WDFY2: variants seen among roughly 807,000 people sequenced by gnomAD.
The protein encoded by WDFY2 is WD repeat and FYVE domain-containing protein 2.
WDFY2 carries 36 observed loss-of-function variants against 56.4 expected under a neutral mutation model. That is an observed-to-expected ratio of 0.64 (90% confidence interval 0.49 to 0.84). The LOEUF (loss-of-function observed/expected upper bound fraction) is 0.84, where lower values mean the gene tolerates loss of function less well. Among genes scored for constraint, WDFY2 ranks in the 40% least tolerant of loss-of-function variants. The pLI, the probability that WDFY2 is intolerant of heterozygous loss-of-function variation, is 0.00. For synonymous variants in WDFY2, 176 were observed against 183.7 expected, an observed-to-expected ratio of 0.96 and a Z score of 0.34; for missense variants, 444 against 512.2, an observed-to-expected ratio of 0.87 and a Z score of 1.29.
intron 3 of WDFY2, among the ~76,000 whole-genome samples, chr13:51,701,490 C>CA (rs1386874017): frequency 7.2e-6 from 1 of 138,484 alleles, no homozygotes; most frequent in Non-Finnish European, 1.5e-5. Context: ...CACTGCACTC[C>CA]AGCCTGGGTG....
intron 1 of WDFY2, among the ~76,000 whole-genome samples, chr13:51,658,676 G>T (rs941245437): frequency 6.6e-6 from 1 of 152,120 alleles, no homozygotes; most frequent in Non-Finnish European, 1.5e-5. Context: ...ATTGTAAAAA[G>T]AACTTGCTTA....
intron 3 of WDFY2, among the ~76,000 whole-genome samples, chr13:51,687,479 C>A (rs1447663714): frequency 6.6e-6 from 1 of 151,914 alleles, no homozygotes; most frequent in African/African-American, 2.4e-5. Context: ...ATCATCTGAG[C>A]AGAAGCCTTG....
chr13:51,712,162 C>T (rs912020768), intron 4 of WDFY2, among the ~76,000 whole-genome samples: 5 of 152,126 alleles, frequency 3.3e-5, no homozygotes, highest in Non-Finnish European at 7.4e-5. Context: ...ATGGATGAAG[C>T]TGGAAACCAT....
At chr13:51,595,641 A>G (rs540871453) in intron 1 of WDFY2, among the ~76,000 whole-genome samples, 1 of 152,254 alleles carries the variant, frequency 6.6e-6, no homozygotes, top group African/African-American at 2.4e-5. Context: ...AAAATCTGAA[A>G]TGCTTCCCCT....
Position 51,739,122 on chromosome 13 carries a change from C to T in WDFY2, c.672C>T (p.Ile224=). 1.2e-6 allele frequency: 2 copies of T among 1,600,214 alleles called. No homozygotes were observed. The highest frequency in any genetic ancestry group is 2.3e-5 in the South Asian group (2 of 87,786). ...CAGGCAGTTCAGATCACTCTGTCAT[C>T]ATGTGGGACATCGGTGGGAGAAAAG... ...LFSGSSDHSV[I]MWDIGGRKGT... Residue 224 remains isoleucine (I), a synonymous_variant, in exon 7 of 12, where the codon ATC becomes ATT. Transcript: ENST00000298125.
intron 1 of WDFY2, among the ~76,000 whole-genome samples, chr13:51,623,335 A>T (rs981467858): frequency 6.6e-6 from 1 of 152,106 alleles, no homozygotes; most frequent in Non-Finnish European, 1.5e-5. Flanking sequence ...GAGCAATATG[A>T]CTGGAAAGAT....
intron 3 of WDFY2, among the ~76,000 whole-genome samples, chr13:51,685,929 T>A (rs1318736619): frequency 2.0e-5 from 3 of 152,114 alleles, no homozygotes; most frequent in African/African-American, 7.2e-5. Context: ...CAAACCAGTT[T>A]CCTTTGTGTT....
chr13:51,697,343 T>C (rs970169597), intron 3 of WDFY2, among the ~76,000 whole-genome samples: 3 of 152,132 alleles, frequency 2.0e-5, no homozygotes, highest in Non-Finnish European at 4.4e-5. Flanking sequence ...GTCTTAGAAA[T>C]GTAACAGACT....
rs1952990193 is a variant in WDFY2 at position 51,742,145 on chromosome 13, C to T, written c.725+2970C>T. On this transcript the variant is annotated intron_variant, in intron 7 of 11. Transcript: ENST00000298125. ...CAGCCATTCTGTTGAGGGACAGCTG[C>T]ACATGTCTTCTGTTCTGAGTTCCAC... 2.0e-5 allele frequency among the ~76,000 whole-genome samples: 3 copies of T among 152,178 alleles called. No individual in the cohort carries two copies. The South Asian group carries it at 6.2e-4, about 32-fold the overall frequency.
intron 3 of WDFY2, among the ~76,000 whole-genome samples, chr13:51,690,160 A>C (rs898100461): frequency 6.7e-6 from 1 of 148,180 alleles, no homozygotes; most frequent in East Asian, 2.0e-4. Flanking sequence ...TATTTAAAAA[A>C]TTTTTCCATT....
intron 2 of WDFY2, among the ~76,000 whole-genome samples, chr13:51,671,397 T>G (rs916924905): frequency 3.8e-4 from 58 of 152,220 alleles, no homozygotes; most frequent in Admixed American, 2.0e-3. Flanking sequence ...GATTTTTTGA[T>G]TATGGCCATT....
intron 6 of WDFY2, among the ~76,000 whole-genome samples, chr13:51,730,272 C>T (rs956560793): frequency 2.0e-5 from 3 of 152,202 alleles, no homozygotes; most frequent in African/African-American, 4.8e-5. Context: ...CTGCTGTCCC[C>T]GAGGTGACCA....
rs759149777 is a variant in WDFY2, at chr13:51,584,729, G to C, written c.42G>C (p.Pro14=). ...AGCCCAAGCCTCTGACCCGCAAGCCGATCCTGCTGCAGCGGATGGAGGGGT... is the reference window on the plus strand; with the variant it reads ...AGCCCAAGCCTCTGACCCGCAAGCCCATCCTGCTGCAGCGGATGGAGGGGT... ...EIQPKPLTRK[P]ILLQRMEGSQ... The change falls in exon 1 of 12, where the codon CCG becomes CCC. Residue 14 remains proline (P), a synonymous_variant. Transcript: ENST00000298125. The C allele has an allele frequency of 1.1e-4, 175 of 1,613,770 alleles. No individual in the cohort carries two copies. The highest frequency in any genetic ancestry group is 1.1e-4 in the Non-Finnish European group (134 of 1,179,770).
At chr13:51,646,215 G>C (rs61958304) in intron 1 of WDFY2, among the ~76,000 whole-genome samples, 1 of 152,162 alleles carries the variant, frequency 6.6e-6, no homozygotes, top group Non-Finnish European at 1.5e-5. Flanking sequence ...CCTCAGCATC[G>C]GTGGCCTTCT....
chr13:51,627,834 T>A (rs1287966342), intron 1 of WDFY2, among the ~76,000 whole-genome samples: 1 of 152,198 alleles, frequency 6.6e-6, no homozygotes, highest in Admixed American at 6.5e-5. Flanking sequence ...TCCCATTGTC[T>A]GCTTAGCTCT....
intron 1 of WDFY2, among the ~76,000 whole-genome samples, chr13:51,660,205 G>GTT (rs758778162): frequency 6.6e-6 from 1 of 150,414 alleles, no homozygotes; most frequent in Non-Finnish European, 1.5e-5. Flanking sequence ...TCTCTCTTAT[G>GTT]TTTTTTTTTA....
intron 3 of WDFY2, among the ~76,000 whole-genome samples, chr13:51,676,925 G>C (rs918939448): frequency 6.6e-6 from 1 of 152,170 alleles, no homozygotes; most frequent in Non-Finnish European, 1.5e-5. Flanking sequence ...AACAGTTATA[G>C]GATAGTTTGC....
At chr13:51,659,236 A>G (rs529068019) in intron 1 of WDFY2, among the ~76,000 whole-genome samples, 9 of 152,294 alleles carry the variant, frequency 5.9e-5, no homozygotes, top group Non-Finnish European at 4.4e-5. Flanking sequence ...CTGCTTATTT[A>G]TAGAAGACCT....
chr13:51,649,547 G>A (rs1296923450), intron 1 of WDFY2, among the ~76,000 whole-genome samples: 1 of 151,404 alleles, frequency 6.6e-6, no homozygotes, highest in East Asian at 1.9e-4. Context: ...TTAACATTAG[G>A]TATATCTCCT....
Sources: gnomAD v4.1 joint callset for allele counts (sites outside exome capture counted in the v4.1 genomes callset) on GRCh38, gnomAD v4.1.1 for gene constraint, MANE v1.5 for transcripts, NCBI Gene and HGNC (gene_info 2026-07-23, HGNC 2026-07-21) for gene names.